ERV3-1: variants seen among roughly 807,000 people sequenced by gnomAD.
ERV3-1 encodes endogenous retrovirus group 3 member 1, envelope.
In ERV3-1, 36 loss-of-function variants were observed where a neutral mutation model predicts 24.6. The observed-to-expected ratio is 1.47, with a 90% CI of 1.12 to 1.94. The LOEUF is 1.94. Ranked by LOEUF, ERV3-1 falls within the 30% of genes most tolerant of loss-of-function variation. The pLI, the probability that ERV3-1 is intolerant of heterozygous loss-of-function variation, is 0.00. For missense variants in ERV3-1, 578 were observed against 330.9 expected (o/e 1.75, Z -5.79); for synonymous variants, 211 against 122.6 (o/e 1.72, Z -4.76).
chr7:65,005,676 T>TGG (rs1786630411), intron 1 of ERV3-1, among the ~76,000 whole-genome samples: 2 of 152,230 alleles, frequency 1.3e-5, no homozygotes, highest in Non-Finnish European at 2.9e-5. Context: ...GCTGGAGGAA[T>TGG]GGGAAATGGG....
intron 1 of ERV3-1, among the ~76,000 whole-genome samples, chr7:64,994,729 G>T (rs1459253402): frequency 6.6e-6 from 1 of 152,220 alleles, no homozygotes; most frequent in African/African-American, 2.4e-5. Flanking sequence ...TGAACATGCA[G>T]TGTGGCAAAA....
chr7:65,000,792 GAATAA>G (rs546053915), intron 1 of ERV3-1, among the ~76,000 whole-genome samples: 5 of 151,832 alleles, frequency 3.3e-5, no homozygotes, highest in South Asian at 4.2e-4. Flanking sequence ...CTCCAAAACT[GAATAA>G]AATAAAATAA....
At chr7:64,999,134 C>T (rs1019246920) in intron 1 of ERV3-1, among the ~76,000 whole-genome samples, 12 of 152,176 alleles carry the variant, frequency 7.9e-5, no homozygotes, top group African/African-American at 2.7e-4. Flanking sequence ...AGTCCTGTAG[C>T]GTGAAGTCCT....
chr7:64,999,916 C>T (rs11768052), intron 1 of ERV3-1, among the ~76,000 whole-genome samples: 5 of 152,094 alleles, frequency 3.3e-5, no homozygotes, highest in Non-Finnish European at 5.9e-5. Context: ...ACTTGTTTTT[C>T]CTTTTATATT....
Position 64,992,134 on chromosome 7 carries a change from AT to A in ERV3-1, c.892del (p.Met298Ter), listed in dbSNP as rs1384607175. 5.2e-6 allele frequency: 4 copies of A among 766,334 alleles called. No homozygotes were observed. In the South Asian group the frequency reaches 5.4e-5, roughly 10 times the overall value. The allele number at this position is 766,334 out of a possible 1,614,324, so 47.5% of individuals were successfully genotyped here. A position where few individuals can be genotyped will look rare whatever the true frequency, so the allele number is the denominator to read the frequency against. ...HVASCYVCGG[M>X]NMGDQWPWEA... ...CCATGGCCATTGGTCTCCCATGTTC[AT>A]TCCCCCACAGACATAACATGAAGCA... is the stretch of plus-strand genomic sequence containing the variant. On this transcript the variant is annotated frameshift_variant, in exon 2 of 2. Transcript: ENST00000394323. LOFTEE classifies it high-confidence loss of function.
At position 64,991,774 on chromosome 7, in the gene ERV3-1, T is replaced by A. The variant is rs756585633; in HGVS notation, c.1253A>T (p.Tyr418Phe). 2 of 766,174 alleles carry A rather than the reference T, an allele frequency of 2.6e-6. No homozygotes were observed. The highest frequency in any genetic ancestry group is 3.4e-5 in the Admixed American group (2 of 59,016). The allele number at this position is 766,174 out of a possible 1,614,324, so 47.5% of individuals were successfully genotyped here. A position where few individuals can be genotyped will look rare whatever the true frequency, so the allele number is the denominator to read the frequency against. Residue 418 changes from tyrosine (Y) to phenylalanine (F), a missense_variant, in exon 2 of 2, where the codon TAC becomes TTC. Coordinates refer to ENST00000394323, the MANE Select transcript of ERV3-1 (RefSeq NM_001007253.4). ...PNTWQAPSGL[Y>F]WICGPQAYRQ... ...ATATGCTTGTGGCCCACAGATCCAGTAGAGGCCAGAGGGTGCCTGCCAGGT... is the reference window on the plus strand; with the variant it reads ...ATATGCTTGTGGCCCACAGATCCAGAAGAGGCCAGAGGGTGCCTGCCAGGT...
chr7:65,006,550 G>T lies in ERV3-1; in HGVS notation c.-398C>A. The T allele has an allele frequency of 6.3e-7, 1 of 1,576,940 alleles. No individual in the cohort carries two copies. Among genetic ancestry groups the T allele is most frequent in the South Asian group, 1.1e-5 (1 of 90,394 alleles). ...GACCCGGCACTCTCACCATTTCTAG[G>T]CTTCCAGTGGGTCCTGGCGTCTTAG... On this transcript the variant is annotated 5_prime_UTR_variant, in exon 1 of 2. Coordinates refer to ENST00000394323, the MANE Select transcript of ERV3-1 (RefSeq NM_001007253.4).
At chr7:65,006,402 C>T in intron 1 of ERV3-1, 139 bp downstream of exon 1, 1 of 1,382,362 alleles carries the variant, frequency 7.2e-7, no homozygotes, top group Non-Finnish European at 1.0e-6. Context: ...GGACTGAGGG[C>T]CGAGCTGCGC....
intron 1 of ERV3-1, chr7:65,004,062 A>C (rs559698797): frequency 6.6e-6 from 1 of 152,302 alleles, no homozygotes; most frequent in Non-Finnish European, 1.5e-5. Flanking sequence ...CATTAAAAAA[A>C]CACACCTGGC....
rs1016516080 is a variant in ERV3-1 at position 64,991,667 on chromosome 7, C to A, written c.1360G>T (p.Gly454Ter). 2.8e-6 allele frequency: 2 copies of A among 718,194 alleles called. No homozygotes were observed. Among genetic ancestry groups the A allele is most frequent in the Admixed American group, 3.9e-5 (2 of 50,880 alleles). The allele number at this position is 718,194 out of a possible 1,614,324, so 44.5% of individuals were successfully genotyped here. The change falls in exon 2 of 2, where the codon GGA becomes TGA. Residue 454 changes from glycine to a stop codon, truncating the protein, a stop_gained. Coordinates refer to ENST00000394323, the MANE Select transcript of ERV3-1 (RefSeq NM_001007253.4). LOFTEE classifies it high-confidence loss of function. Reference sequence around the variant, plus strand: ...TAGATGGGGTATCCTAAGGCTTCTCCCTGTTTTAGGGGCATTAGGAAGAAG... The same window carrying A: ...TAGATGGGGTATCCTAAGGCTTCTCACTGTTTTAGGGGCATTAGGAAGAAG... Reference protein sequence around the residue: ...PSFFLMPLKQGEALGYPIYDE... With the variant: ...PSFFLMPLKQ
chr7:65,005,596 A>G (rs1786628481), intron 1 of ERV3-1, among the ~76,000 whole-genome samples: 1 of 152,170 alleles, frequency 6.6e-6, no homozygotes, highest in Non-Finnish European at 1.5e-5. Context: ...TGAATTAGGG[A>G]GGGGAAATTG....
chr7:65,001,468 G>T (rs1369210050), intron 1 of ERV3-1, among the ~76,000 whole-genome samples: 3 of 152,204 alleles, frequency 2.0e-5, no homozygotes, highest in Admixed American at 6.5e-5. Flanking sequence ...AAATTCCTAA[G>T]GTGGTGCCTA....
chr7:64,991,899 T>A lies in ERV3-1; in HGVS notation c.1128A>T (p.Leu376Phe). ...QYYNETLGKT[L>F]WRGKSNNSES... ...CAGAATTATTGCTTTTGCCCCTCCATAAAGTCTTTCCTAGTGTCTCGTTGT... is the reference window on the plus strand; with the variant it reads ...CAGAATTATTGCTTTTGCCCCTCCAAAAAGTCTTTCCTAGTGTCTCGTTGT... Residue 376 changes from leucine to phenylalanine, a missense_variant, in exon 2 of 2, where the codon TTA becomes TTT. Physicochemically the swap from Leu to Phe is conservative, Grantham distance 22. Coordinates refer to ENST00000394323, the MANE Select transcript of ERV3-1 (RefSeq NM_001007253.4). 1 of 766,394 alleles carries A rather than the reference T, an allele frequency of 1.3e-6. No homozygotes were observed. Among genetic ancestry groups the A allele is most frequent in the South Asian group, 1.3e-5 (1 of 74,620 alleles). 47.5% of individuals were successfully genotyped at this position (766,394 alleles called of 1,614,324 possible).
chr7:64,991,891 C>T lies in ERV3-1; in HGVS notation c.1136G>A (p.Gly379Asp), dbSNP rs368370389. 5.2e-6 allele frequency: 4 copies of T among 766,306 alleles called. No individual in the cohort carries two copies. The highest frequency in any genetic ancestry group is 4.8e-5 in the East Asian group (2 of 41,244). The allele number at this position is 766,306 out of a possible 1,614,324, so 47.5% of individuals were successfully genotyped here. ...NETLGKTLWRGKSNNSESPHP... is the reference protein window; with the variant it reads ...NETLGKTLWRDKSNNSESPHP... ...TGGTGATTCAGAATTATTGCTTTTG[C>T]CCCTCCATAAAGTCTTTCCTAGTGT... The change falls in exon 2 of 2, where the codon GGC becomes GAC. Residue 379 changes from glycine to aspartate, a missense_variant. Coordinates refer to ENST00000394323, the MANE Select transcript of ERV3-1 (RefSeq NM_001007253.4).
intron 1 of ERV3-1, 92 bp downstream of exon 1, chr7:65,006,449 T>G (rs906534077): frequency 6.6e-7 from 1 of 1,525,846 alleles, no homozygotes; most frequent in Admixed American, 1.7e-5. Context: ...TGGAGCCAGC[T>G]GCGGGGAGGC....
Position 64,992,206 on chromosome 7 carries a change from T to C in ERV3-1, c.821A>G (p.Asn274Ser), listed in dbSNP as rs750409782. The C allele has an allele frequency of 1.3e-6, 1 of 766,394 alleles. No homozygotes were observed. Among genetic ancestry groups the C allele is most frequent in the East Asian group, 2.4e-5 (1 of 41,250 alleles). The allele number at this position is 766,394 out of a possible 1,614,324, so 47.5% of individuals were successfully genotyped here. The change falls in exon 2 of 2, where the codon AAT (asparagine) becomes AGT (serine). Residue 274 changes from asparagine to serine, a missense_variant. Asn to Ser is a conservative substitution (Grantham distance 46). Coordinates refer to ENST00000394323, the MANE Select transcript of ERV3-1 (RefSeq NM_001007253.4). ...GTTTTCAGCCAGTTGGGCGAATAAA[T>C]TACTGGCCAAGGGAGGGGGCTCAGG... Reference protein sequence around the residue: ...KLPEPPPLASNLFAQLAENIA... With the variant: ...KLPEPPPLASSLFAQLAENIA...
chr7:65,000,057 A>C (rs984496481), intron 1 of ERV3-1, among the ~76,000 whole-genome samples: 6 of 152,208 alleles, frequency 3.9e-5, no homozygotes, highest in South Asian at 2.1e-4. Context: ...TTTATACCCC[A>C]AAAAATATAA....
Position 64,991,923 on chromosome 7 carries a change from G to A in ERV3-1, c.1104C>T (p.Tyr368=). The change falls in exon 2 of 2, where the codon TAC becomes TAT. Residue 368 remains tyrosine, a synonymous_variant. Transcript: ENST00000394323. ...GELTCLGQQY[Y]NETLGKTLWR... is the part of the protein sequence containing the mutation. The stretch of plus-strand genomic sequence containing the variant: ...ATAAAGTCTTTCCTAGTGTCTCGTT[G>A]TAATATTGTTGTCCTAGGCAAGTTA... 1.3e-6 allele frequency: 1 copy of A among 766,356 alleles called. No individual in the cohort carries two copies. Among genetic ancestry groups the A allele is most frequent in the East Asian group, 2.4e-5 (1 of 41,250 alleles). The allele number at this position is 766,356 out of a possible 1,614,324, so 47.5% of individuals were successfully genotyped here.
rs955416167 is a variant in ERV3-1 at position 64,992,090 on chromosome 7, G to A, written c.937C>T (p.Pro313Ser). Residue 313 changes from proline to serine, a missense_variant, in exon 2 of 2, where the codon CCC (proline) becomes TCC (serine). By Grantham distance (74) the Pro-to-Ser change is moderately conservative. Transcript: ENST00000394323. ...GCGGTTAGTGTGAAATTATCTTGGGGCATTAGTTCCCTTGCTTCCCATGGC... is the reference window on the plus strand; with the variant it reads ...GCGGTTAGTGTGAAATTATCTTGGGACATTAGTTCCCTTGCTTCCCATGGC... The part of the protein sequence containing the change: ...QWPWEARELM[P>S]QDNFTLTASS... 15 of 766,238 alleles carry A rather than the reference G, an allele frequency of 2.0e-5. No homozygotes were observed. The highest frequency in any genetic ancestry group is 2.4e-5 in the Non-Finnish European group (10 of 417,910). The allele number at this position is 766,238 out of a possible 1,614,324, so 47.5% of individuals were successfully genotyped here. A position where few individuals can be genotyped will look rare whatever the true frequency, so the allele number is the denominator to read the frequency against.
Sources: gnomAD v4.1 joint callset for allele counts (sites outside exome capture counted in the v4.1 genomes callset) on GRCh38, gnomAD v4.1.1 for gene constraint, MANE v1.5 for transcripts, NCBI Gene and HGNC (gene_info 2026-07-23, HGNC 2026-07-21) for gene names.